Variants in ME3 observed in about 807,000 individuals in gnomAD.
ME3 encodes malic enzyme 3.
In ME3, 48 loss-of-function variants were observed where a neutral mutation model predicts 68.9. The ratio of observed to expected loss-of-function variants is 0.70; its 90% CI spans 0.55 to 0.89. ME3 has a LOEUF of 0.89. ME3 is among the 40% of genes least tolerant of loss of function. The pLI is 0.00. For missense variants in ME3, 675 were observed against 797.4 expected, an observed-to-expected ratio of 0.85 and a Z score of 1.85; for synonymous variants, 320 against 318.8, an observed-to-expected ratio of 1.00 and a Z score of -0.04.
chr11:86,655,218 G>C (rs1945776265), intron 2 of ME3, among the ~76,000 whole-genome samples: 1 of 152,296 alleles, frequency 6.6e-6, no homozygotes, highest in Admixed American at 6.5e-5. Context: ...AGCTACCAAT[G>C]ACTTTCTTCA....
exon 15 of ME3, chr11:86,441,311 G>A (rs1948983812): frequency 1.2e-5 from 20 of 1,607,936 alleles, no homozygotes; most frequent in Non-Finnish European, 1.7e-5. Context: ...GCTTCCTTGG[G>A]CCAAGTGTAG....
At chr11:86,436,086 T>A in the ME3 span, 1 of 152,166 alleles carries the variant, frequency 6.6e-6, no homozygotes. Context: ...ACTGGGGCTA[T>A]GTATGGGAGG....
intron 7 of ME3, among the ~76,000 whole-genome samples, chr11:86,479,192 C>T (rs1040236324): frequency 3.3e-5 from 5 of 152,188 alleles, no homozygotes; most frequent in African/African-American, 1.2e-4. Context: ...CCCATCTTCT[C>T]CGGCCCTTGA....
At chr11:86,454,726 T>C (rs569826637) in intron 8 of ME3, among the ~76,000 whole-genome samples, 2 of 152,378 alleles carry the variant, frequency 1.3e-5, no homozygotes, top group South Asian at 4.1e-4. Context: ...AGCACTAACC[T>C]ATGTTCCATT....
At chr11:86,585,743 G>T (rs1198747890) in intron 2 of ME3, among the ~76,000 whole-genome samples, 1 of 152,166 alleles carries the variant, frequency 6.6e-6, no homozygotes, top group Admixed American at 6.5e-5. Context: ...GGGGTTGTAT[G>T]TATTACTCTA....
chr11:86,477,313 G>T (rs938530102), intron 7 of ME3, among the ~76,000 whole-genome samples: 1 of 151,852 alleles, frequency 6.6e-6, no homozygotes, highest in African/African-American at 2.4e-5. Context: ...CTTAGATGAG[G>T]TACTTGTACT....
At chr11:86,467,644 G>T (rs1414723796) in intron 7 of ME3, among the ~76,000 whole-genome samples, 1 of 143,336 alleles carries the variant, frequency 7.0e-6, no homozygotes, top group Non-Finnish European at 1.5e-5. Context: ...CTCTCTCTGT[G>T]TGTCTGTCTC....
At chr11:86,507,659 C>G (rs558737848) in intron 5 of ME3, among the ~76,000 whole-genome samples, 2 of 152,342 alleles carry the variant, frequency 1.3e-5, no homozygotes, top group African/African-American at 4.8e-5. Context: ...GAGGCTAATA[C>G]ATTTCTACAA....
chr11:86,462,604 A>T, intron 8 of ME3: 1 of 1,288,060 alleles, frequency 7.8e-7, no homozygotes, highest in Non-Finnish European at 1.0e-6. Flanking sequence ...GTCAGTTTGT[A>T]TGTGTAGACA....
intron 2 of ME3, among the ~76,000 whole-genome samples, chr11:86,585,385 G>T (rs1958671109): frequency 6.6e-6 from 1 of 152,150 alleles, no homozygotes; most frequent in Non-Finnish European, 1.5e-5. Context: ...GAGAGAAGCA[G>T]GAGGATAAGA....
chr11:86,590,337 A>G (rs1353347497), intron 2 of ME3, among the ~76,000 whole-genome samples: 2 of 152,222 alleles, frequency 1.3e-5, no homozygotes, highest in African/African-American at 4.8e-5. Context: ...CTCACATCCC[A>G]GTGAGAAAGC....
At chr11:86,602,526 T>G (rs1960874791) in intron 2 of ME3, among the ~76,000 whole-genome samples, 1 of 152,066 alleles carries the variant, frequency 6.6e-6, no homozygotes, top group African/African-American at 2.4e-5. Context: ...ATGGCCATAC[T>G]GCCCAAGGTA....
At chr11:86,654,280 AGAGACACAAC>A (rs1945695784) in intron 2 of ME3, among the ~76,000 whole-genome samples, 1 of 152,248 alleles carries the variant, frequency 6.6e-6, no homozygotes, top group South Asian at 2.1e-4. Flanking sequence ...AAAGCCAGGC[AGAGACACAAC>A]CAAAAAAGAG....
intron 7 of ME3, among the ~76,000 whole-genome samples, chr11:86,473,241 G>C (rs745702203): frequency 2.0e-5 from 3 of 152,244 alleles, no homozygotes; most frequent in Non-Finnish European, 4.4e-5. Flanking sequence ...GTGGTCGGGA[G>C]CATCAAATAC....
At chr11:86,656,995 T>C (rs1945933458) in intron 2 of ME3, among the ~76,000 whole-genome samples, 1 of 152,084 alleles carries the variant, frequency 6.6e-6, no homozygotes, top group Non-Finnish European at 1.5e-5. Flanking sequence ...TGTGGAGAAA[T>C]AGGAACGCTT....
intron 4 of ME3, among the ~76,000 whole-genome samples, chr11:86,533,354 T>A (rs1955401629): frequency 6.6e-6 from 1 of 152,110 alleles, no homozygotes; most frequent in Non-Finnish European, 1.5e-5. Flanking sequence ...CATAAAAGAC[T>A]GTTATGAACA....
At chr11:86,444,693 A>T (rs929542196) in intron 13 of ME3, among the ~76,000 whole-genome samples, 18 of 152,362 alleles carry the variant, frequency 1.2e-4, no homozygotes, top group African/African-American at 4.1e-4. Flanking sequence ...TTAAACTCAC[A>T]TATGAGTAAG....
intron 2 of ME3, among the ~76,000 whole-genome samples, chr11:86,563,389 A>G (rs1023557901): frequency 6.6e-6 from 1 of 152,018 alleles, no homozygotes; most frequent in Non-Finnish European, 1.5e-5. Flanking sequence ...ATGGTATCTC[A>G]TTGTGATTTT....
chr11:86,609,581 A>G (rs1298796490), intron 2 of ME3, among the ~76,000 whole-genome samples: 1 of 152,070 alleles, frequency 6.6e-6, no homozygotes, highest in Non-Finnish European at 1.5e-5. Context: ...GTATGCATGC[A>G]CACACACACA....
Sources: gnomAD v4.1 joint callset for allele counts (sites outside exome capture counted in the v4.1 genomes callset) on GRCh38, gnomAD v4.1.1 for gene constraint, MANE v1.5 for transcripts, NCBI Gene and HGNC (gene_info 2026-07-23, HGNC 2026-07-21) for gene names.